PRR16: variants seen among roughly 807,000 people sequenced by gnomAD.
PRR16 encodes the protein protein Largen.
Under a neutral mutation model 18.2 loss-of-function variants are expected in PRR16, and 6 were observed. The ratio of observed to expected loss-of-function variants is 0.33; its 90% CI spans 0.18 to 0.65. PRR16 has a LOEUF of 0.65. Ranked by LOEUF, PRR16 falls within the 30% of genes least tolerant of loss-of-function variation. The probability of loss-of-function intolerance (pLI) is 0.74; values close to 1 mark genes in which losing one functional copy is unlikely to be tolerated. For synonymous variants in PRR16, 151 were observed against 147.8 expected (o/e 1.02, Z -0.16); for missense variants, 412 against 376.6 (o/e 1.09, Z -0.78).
chr5:120,770,321 G>T, the PRR16 span, among the ~76,000 whole-genome samples: 2 of 151,926 alleles, frequency 1.3e-5, no homozygotes, highest in Non-Finnish European at 2.9e-5. Flanking sequence ...ATCCATGATG[G>T]AGATATTAGT....
chr5:120,559,247 C>T (rs1348970468), intron 1 of PRR16, among the ~76,000 whole-genome samples: 1 of 151,728 alleles, frequency 6.6e-6, no homozygotes. Context: ...GGAGAGTTCC[C>T]CGAATATTTT....
At chr5:120,655,155 T>G (rs534739093) in intron 1 of PRR16, among the ~76,000 whole-genome samples, 162 of 152,022 alleles carry the variant, frequency 1.1e-3, no homozygotes, top group African/African-American at 3.6e-3. Flanking sequence ...CACCCATCCC[T>G]CTGCTCACTT....
chr5:120,757,229 A>T, the PRR16 span, among the ~76,000 whole-genome samples: 1 of 152,054 alleles, frequency 6.6e-6, no homozygotes, highest in Non-Finnish European at 1.5e-5. Flanking sequence ...GCCTTATAGT[A>T]CAGTTTGAAG....
chr5:120,503,791 C>T (rs1242364256), intron 1 of PRR16, among the ~76,000 whole-genome samples: 2 of 149,262 alleles, frequency 1.3e-5, no homozygotes, highest in Non-Finnish European at 3.0e-5. Context: ...CCTCCCCGCT[C>T]CCCCCACCCC....
the PRR16 span, among the ~76,000 whole-genome samples, chr5:120,745,941 A>C: frequency 6.8e-6 from 1 of 147,750 alleles, no homozygotes; most frequent in African/African-American, 2.5e-5. Flanking sequence ...TGATCTCCTG[A>C]CCTCAAGTGA....
intron 1 of PRR16, among the ~76,000 whole-genome samples, chr5:120,509,492 A>T (rs186309364): frequency 6.6e-6 from 1 of 152,062 alleles, no homozygotes; most frequent in South Asian, 2.1e-4. Context: ...TGAGGCGTAA[A>T]TAAGAATGGT....
intron 1 of PRR16, among the ~76,000 whole-genome samples, chr5:120,548,921 C>CGTGCTG (rs1752160963): frequency 1.3e-5 from 2 of 151,872 alleles, no homozygotes; most frequent in Admixed American, 6.6e-5. Flanking sequence ...AACATTGAGA[C>CGTGCTG]ATGCTGAAAA....
the PRR16 span, among the ~76,000 whole-genome samples, chr5:120,737,344 AGG>A: frequency 1.2e-5 from 1 of 84,004 alleles, no homozygotes; most frequent in Admixed American, 1.4e-4. Flanking sequence ...TTTTTATGAA[AGG>A]GTGTCAAATT....
At chr5:120,664,303 G>GAAAAC (rs150667184) in intron 1 of PRR16, among the ~76,000 whole-genome samples, 62,095 of 149,510 alleles carry the variant, frequency 0.42, 13,844 homozygotes, top group East Asian at 0.86. Flanking sequence ...TGTCTCAAAA[G>GAAAAC]AAAACAAAAC....
intron 1 of PRR16, among the ~76,000 whole-genome samples, chr5:120,596,275 A>T (rs1753812088): frequency 6.6e-6 from 1 of 151,716 alleles, no homozygotes; most frequent in African/African-American, 2.4e-5. Context: ...AAGGTACCTA[A>T]ACTTCATCTG....
At chr5:120,652,829 T>C (rs1194729167) in intron 1 of PRR16, among the ~76,000 whole-genome samples, 2 of 151,904 alleles carry the variant, frequency 1.3e-5, no homozygotes, top group Non-Finnish European at 2.9e-5. Flanking sequence ...TATATTTATA[T>C]TGGTTTATTA....
chr5:120,682,106 T>A lies in PRR16; in HGVS notation c.160-3848T>A, dbSNP rs116159975. Among the ~76,000 whole-genome samples, 595 of 152,314 alleles carry A rather than the reference T, an allele frequency of 3.9e-3. 4 individuals are homozygous for A. Among genetic ancestry groups the A allele is most frequent in the African/African-American group, 0.013 (556 of 41,576 alleles). On this transcript the variant is annotated intron_variant, in intron 1 of 1. Transcript: ENST00000407149. ...TCACAGGATAGCTGCTACCTAACTA[T>A]CCAACCTCATCTCTCACAGTGCCCT...
chr5:120,487,054 GTAGTA>G (rs1354383533), intron 1 of PRR16, among the ~76,000 whole-genome samples: 1 of 152,148 alleles, frequency 6.6e-6, no homozygotes, highest in Admixed American at 6.5e-5. Flanking sequence ...CTGTAGCCTT[GTAGTA>G]TAGTTTGAAG....
At chr5:120,787,982 T>TGCCTTTGATCATGCTTCTCC in the PRR16 span, among the ~76,000 whole-genome samples, 1 of 152,024 alleles carries the variant, frequency 6.6e-6, no homozygotes, top group African/African-American at 2.4e-5. Context: ...CTTGCTTCTA[T>TGCCTTTGATCATGCTTCTCC]GCCTTTGATC....
chr5:120,713,076 C>G, the PRR16 span, among the ~76,000 whole-genome samples: 366 of 152,108 alleles, frequency 2.4e-3, 17 homozygotes, highest in South Asian at 0.072. Context: ...GGCTCATGGA[C>G]AGATGAATGG....
At chr5:120,724,250 C>G in the PRR16 span, among the ~76,000 whole-genome samples, 6 of 152,026 alleles carry the variant, frequency 3.9e-5, no homozygotes, top group Non-Finnish European at 7.4e-5. Context: ...CTTATTTTCA[C>G]TATATTTAGT....
intron 1 of PRR16, among the ~76,000 whole-genome samples, chr5:120,467,634 C>T (rs1253496940): frequency 1.3e-5 from 2 of 152,018 alleles, no homozygotes; most frequent in Non-Finnish European, 2.9e-5. Context: ...AGTGACAAAA[C>T]TCTAGTCTGC....
intron 1 of PRR16, among the ~76,000 whole-genome samples, chr5:120,472,434 C>T (rs536034394): frequency 6.6e-6 from 1 of 152,006 alleles, no homozygotes; most frequent in Non-Finnish European, 1.5e-5. Flanking sequence ...AATAGTCTCC[C>T]TCCCCCCATA....
intron 1 of PRR16, among the ~76,000 whole-genome samples, chr5:120,649,328 T>A (rs141808958): frequency 1.2e-3 from 180 of 152,244 alleles, no homozygotes; most frequent in African/African-American, 4.2e-3. Flanking sequence ...CATTTATCAC[T>A]CAGATTTATA....
Sources: gnomAD v4.1 joint callset for allele counts (sites outside exome capture counted in the v4.1 genomes callset) on GRCh38, gnomAD v4.1.1 for gene constraint, MANE v1.5 for transcripts, NCBI Gene and HGNC (gene_info 2026-07-23, HGNC 2026-07-21) for gene names.